The following NPHP1 variants were observed in gnomAD, a reference collection of about 807,000 sequenced individuals.
The protein encoded by NPHP1 is nephrocystin 1.
In NPHP1, 70 loss-of-function variants were observed where a neutral mutation model predicts 90.4. The observed-to-expected ratio is 0.77, with a 90% CI of 0.64 to 0.95. The LOEUF (loss-of-function observed/expected upper bound fraction) is 0.95. NPHP1 is among the 40% of genes least tolerant of loss of function. The pLI, the probability that NPHP1 is intolerant of heterozygous loss-of-function variation, is 0.00. For missense variants in NPHP1, 764 were observed against 795.9 expected, an observed-to-expected ratio of 0.96 and a Z score of 0.48; for synonymous variants, 256 against 271.7, an observed-to-expected ratio of 0.94 and a Z score of 0.57.
rs370205671 is a variant in NPHP1 at position 110,125,682 on chromosome 2, C to A, written c.1717-1G>T. The A allele has an allele frequency of 1.9e-6, 3 of 1,612,782 alleles. No individual in the cohort carries two copies. The African/African-American group carries it at 4.0e-5, about 22-fold the overall frequency. The stretch of plus-strand genomic sequence containing the variant: ...TGCTTTCTTTTCCAGCCCACGAACT[C>A]TAAAGAGCAAACAGAAATATTATGT... On this transcript the variant is annotated splice_acceptor_variant, in intron 18 of 19. Coordinates refer to ENST00000445609, the MANE Select transcript of NPHP1 (RefSeq NM_001128178.3). LOFTEE classifies it high-confidence loss of function.
intron 19 of NPHP1, chr2:110,125,379 C>A (rs1679278172): frequency 2.7e-6 from 4 of 1,460,822 alleles, no homozygotes; most frequent in Admixed American, 4.9e-5. Context: ...GAGACTTTGG[C>A]TTAGAAACTT....
rs150558683 is a variant in NPHP1 at position 110,123,541 on chromosome 2, G to A, written c.*250C>T. On this transcript the variant is annotated 3_prime_UTR_variant, in exon 20 of 20. Transcript: ENST00000445609. ...GAAATCTATACCATTAACTTAAGTA[G>A]CTGTTTTTGAAAAAATAAATACTGT... 1.1e-3 allele frequency: 425 copies of A among 387,402 alleles called. 2 individuals are homozygous for A. Among genetic ancestry groups the A allele is most frequent in the Middle Eastern group, 5.9e-3 (8 of 1,362 alleles). 24.0% of individuals were successfully genotyped at this position (387,402 alleles called of 1,614,324 possible).
intron 10 of NPHP1, among the ~76,000 whole-genome samples, chr2:110,161,402 A>G (rs1432529388): frequency 1.3e-5 from 2 of 152,200 alleles, no homozygotes; most frequent in East Asian, 3.8e-4. Context: ...GAAGAGTGCA[A>G]TGGAGAAGAG....
At chr2:110,189,602 A>G (rs1684548010) in intron 2 of NPHP1, among the ~76,000 whole-genome samples, 1 of 152,104 alleles carries the variant, frequency 6.6e-6, no homozygotes, top group Non-Finnish European at 1.5e-5. Flanking sequence ...AGGGGACCCA[A>G]GCGGGTTGCC....
intron 9 of NPHP1, 72 bp downstream of exon 9, chr2:110,162,976 G>T: frequency 2.0e-6 from 2 of 993,936 alleles, no homozygotes; most frequent in Non-Finnish European, 3.2e-6. Context: ...TGTTTTGCCT[G>T]TGACAGAAAA....
rs970430453 is a variant in NPHP1 at position 110,141,264 on chromosome 2, A to G, written c.1529+2278T>C. Among the ~76,000 whole-genome samples, 7 of 152,206 alleles carry G rather than the reference A, an allele frequency of 4.6e-5. No individual in the cohort carries two copies. The South Asian group carries it at 1.4e-3, about 32-fold the overall frequency. On this transcript the variant is annotated intron_variant, in intron 16 of 19. Coordinates refer to ENST00000445609, the MANE Select transcript of NPHP1 (RefSeq NM_001128178.3). Reference sequence around the variant, plus strand: ...ACATTTATCTATATATAAGATAATTATAGTAGTAAATAATTATAGCTAACA... The same window carrying G: ...ACATTTATCTATATATAAGATAATTGTAGTAGTAAATAATTATAGCTAACA...
intron 4 of NPHP1, among the ~76,000 whole-genome samples, chr2:110,174,433 C>A (rs1359839364): frequency 1.3e-5 from 2 of 152,136 alleles, no homozygotes; most frequent in African/African-American, 4.8e-5. Context: ...CCTAACTTAT[C>A]ATAGTCTAAT....
chr2:110,141,060 T>C (rs1438394733), intron 16 of NPHP1, among the ~76,000 whole-genome samples: 1 of 152,170 alleles, frequency 6.6e-6, no homozygotes, highest in Non-Finnish European at 1.5e-5. Flanking sequence ...CAACAGTCTC[T>C]GTCCCATGCC....
intron 15 of NPHP1, chr2:110,144,120 T>G (rs1171110392): frequency 3.1e-6 from 1 of 322,566 alleles, no homozygotes; most frequent in Admixed American, 4.7e-5. Flanking sequence ...TTAATGAACA[T>G]AGTAAAAGAT....
At chr2:110,188,157 T>C (rs1014334814) in intron 2 of NPHP1, among the ~76,000 whole-genome samples, 2 of 152,164 alleles carry the variant, frequency 1.3e-5, no homozygotes, top group Non-Finnish European at 2.9e-5. Flanking sequence ...TGTTGGAAGT[T>C]CTGGCCTGGG....
chr2:110,167,682 C>T (rs1482596749), intron 6 of NPHP1, among the ~76,000 whole-genome samples: 1 of 152,044 alleles, frequency 6.6e-6, no homozygotes, highest in Non-Finnish European at 1.5e-5. Flanking sequence ...TATGGGAACT[C>T]GTGAATGTAT....
intron 2 of NPHP1, among the ~76,000 whole-genome samples, chr2:110,182,059 A>G (rs1246758024): frequency 1.3e-5 from 2 of 152,164 alleles, no homozygotes; most frequent in South Asian, 2.1e-4. Context: ...ATGTTTCTGA[A>G]TTAAGACAGG....
rs202235113 is a variant in NPHP1 at position 110,190,378 on chromosome 2, C to T, written c.144-10694G>A. Among the ~76,000 whole-genome samples the T allele has an allele frequency of 6.6e-4, 100 of 152,296 alleles. 1 individual carries two copies. In the East Asian group the frequency reaches 0.011, roughly 16 times the overall value. On this transcript the variant is annotated intron_variant, in intron 2 of 19. Transcript: ENST00000445609. ...GCTGAAGGTCCCGAGCCCTGCCCCG[C>T]GGGAAGGCAGCTAAGGCCGGGTGAG...
rs554561803 is a variant in NPHP1 at position 110,135,353 on chromosome 2, T to C, written c.1530-3562A>G. On this transcript the variant is annotated intron_variant, in intron 16 of 19. Transcript: ENST00000445609. ...TTAGCTGGGCGTGTTGGCAGGCGCC[T>C]GTAGTCCCAGCTACTTGGGAGGCTG... Among the ~76,000 whole-genome samples, 25 of 151,166 alleles carry C rather than the reference T, an allele frequency of 1.7e-4. 2 individuals carry two copies. In the South Asian group the frequency reaches 5.2e-3, roughly 31 times the overall value.
intron 9 of NPHP1, 72 bp from the exon 10 acceptor site, chr2:110,161,769 C>T: frequency 1.7e-6 from 2 of 1,144,226 alleles, no homozygotes; most frequent in South Asian, 1.3e-5. Flanking sequence ...TAATGTTATG[C>T]TATGAACTAG....
intron 18 of NPHP1, chr2:110,128,682 T>C (rs1679545551): frequency 5.9e-6 from 1 of 168,236 alleles, no homozygotes; most frequent in Non-Finnish European, 1.3e-5. Flanking sequence ...TGCATGCAGC[T>C]CTTCTACTTA....
In NPHP1 at chr2:110,150,258, T is replaced by C; in HGVS notation, c.1084-2A>G. The stretch of plus-strand genomic sequence containing the variant: ...GACTGTATGAATGTTGCTCAGAACC[T>C]GAAATGAGATTTTCCCTTTTGAAAT... On this transcript the variant is annotated splice_acceptor_variant, in intron 11 of 19. Transcript: ENST00000445609. LOFTEE classifies it high-confidence loss of function. 6.2e-7 allele frequency: 1 copy of C among 1,613,542 alleles called. No homozygotes were observed. The highest frequency in any genetic ancestry group is 8.5e-7 in the Non-Finnish European group (1 of 1,179,470).
chr2:110,185,560 T>C (rs1255533858), intron 2 of NPHP1, among the ~76,000 whole-genome samples: 1 of 152,126 alleles, frequency 6.6e-6, no homozygotes, highest in South Asian at 2.1e-4. Context: ...TAGGCTGGAC[T>C]GGCCCCACCC....
intron 18 of NPHP1, chr2:110,127,744 T>A (rs977492478): frequency 6.6e-6 from 1 of 152,032 alleles, no homozygotes; most frequent in Non-Finnish European, 1.5e-5. Context: ...TCACTGCACA[T>A]CTCCAAGCTG....
Sources: allele counts gnomAD v4.1 joint callset (sites outside exome capture counted in the v4.1 genomes callset), GRCh38; gene constraint gnomAD v4.1.1; transcripts MANE v1.5; gene names NCBI Gene and HGNC (gene_info 2026-07-23, HGNC 2026-07-21).